The following TSHZ3 variants were observed in gnomAD, a reference collection of about 807,000 sequenced individuals.
TSHZ3 encodes teashirt zinc finger homeobox 3.
TSHZ3 carries 10 observed loss-of-function variants against 64.5 expected under a neutral mutation model. That is an observed-to-expected ratio of 0.16 (90% CI 0.10 to 0.26). The LOEUF is 0.26. TSHZ3 is among the 10% of genes least tolerant of loss of function. The pLI, the probability that TSHZ3 is intolerant of heterozygous loss-of-function variation, is 1.00. For missense variants in TSHZ3, 1,242 were observed against 1,421.7 expected, an observed-to-expected ratio of 0.87 and a Z score of 2.03; for synonymous variants, 608 against 593.1, an observed-to-expected ratio of 1.03 and a Z score of -0.36.
intron 5 of TSHZ3, among the ~76,000 whole-genome samples, chr19:31,162,840 C>T (rs116337215): frequency 0.013 from 1,921 of 152,298 alleles, 49 homozygotes; most frequent in African/African-American, 0.043. Context: ...AGTGCATGGG[C>T]ACTCAGAGAG....
intron 1 of TSHZ3, among the ~76,000 whole-genome samples, chr19:31,265,804 CA>C (rs1332687284): frequency 6.6e-6 from 1 of 152,132 alleles, no homozygotes. Context: ...GGGTCACCCA[CA>C]AAGGGAAAAG....
chr19:31,181,825 T>A (rs200547314), intron 5 of TSHZ3, among the ~76,000 whole-genome samples: 8 of 152,198 alleles, frequency 5.3e-5, no homozygotes, highest in Non-Finnish European at 4.4e-5. Flanking sequence ...TTTCATCAAA[T>A]GAAAAATTGC....
In TSHZ3 at chr19:31,277,360, C is replaced by T. The variant is rs373784479; in HGVS notation, c.2433G>A (p.Thr811=). The T allele has an allele frequency of 3.4e-5, 55 of 1,613,924 alleles. No homozygotes were observed. The highest frequency in any genetic ancestry group is 4.2e-5 in the Non-Finnish European group (50 of 1,179,942). ...CSLGSVLLSP[T]STAPATSSST... ...ATGAGGAGGTTGCCGGGGCTGTGGA[C>T]GTGGGTGACAGAAGCACTGAACCCA... The change falls in exon 2 of 2, where the codon ACG becomes ACA. Residue 811 remains threonine (T), a synonymous_variant. Coordinates refer to ENST00000240587, the MANE Select transcript of TSHZ3 (RefSeq NM_020856.4). The surrounding 1 kb of genome is among the most constrained non-coding windows in gnomAD (Gnocchi z 4.5).
At chr19:31,247,364 C>T (rs924082688) in intron 1 of TSHZ3, among the ~76,000 whole-genome samples, 2 of 152,078 alleles carry the variant, frequency 1.3e-5, no homozygotes, top group African/African-American at 4.8e-5. Flanking sequence ...CATCTTGTGC[C>T]CCCTGACAGG....
intron 1 of TSHZ3, among the ~76,000 whole-genome samples, chr19:31,265,397 C>CAAAAAAAAAAAAAAAAAAAAAAAAA (rs11432951): frequency 2.9e-5 from 1 of 34,272 alleles, no homozygotes; most frequent in Non-Finnish European, 5.1e-5. Context: ...AACTCTGTCT[C>CAAAAAAAAAAAAAAAAAAAAAAAAA]AAAAAAAAAA....
intron 1 of TSHZ3, among the ~76,000 whole-genome samples, chr19:31,261,100 T>C (rs552577402): frequency 5.3e-5 from 8 of 152,316 alleles, no homozygotes; most frequent in Admixed American, 3.3e-4. Flanking sequence ...TATCCTCCTG[T>C]GCTTCAATCT....
At chr19:31,170,642 C>CAA (rs1568335983) in intron 5 of TSHZ3, among the ~76,000 whole-genome samples, 1 of 152,202 alleles carries the variant, frequency 6.6e-6, no homozygotes, top group East Asian at 1.9e-4. Context: ...AGCTAGACTG[C>CAA]AAGCATCAGT....
rs537737624 is a variant in TSHZ3 at position 31,173,027 on chromosome 19, C to A, written n.810-16610G>T. Among the ~76,000 whole-genome samples, 4 of 152,268 alleles carry A rather than the reference C, an allele frequency of 2.6e-5. No homozygotes were observed. In the South Asian group the frequency reaches 8.3e-4, roughly 32 times the overall value. ...GCCACCATAAGGGCTCTAGCTCATG[C>A]TTAGATGAAATGGCAGTCCTTTGTA... is the stretch of plus-strand genomic sequence containing the variant. On this transcript the variant is annotated intron_variant and non_coding_transcript_variant, in intron 5 of 6. Transcript: ENST00000651361.
intron 5 of TSHZ3, among the ~76,000 whole-genome samples, chr19:31,176,614 C>T (rs1039929024): frequency 1.3e-5 from 2 of 152,008 alleles, no homozygotes; most frequent in Non-Finnish European, 2.9e-5. Flanking sequence ...CATAGCAAGA[C>T]TCCCTCTCTA....
chr19:31,328,369 G>A (rs548085722), intron 1 of TSHZ3, among the ~76,000 whole-genome samples: 25 of 152,320 alleles, frequency 1.6e-4, no homozygotes, highest in Non-Finnish European at 2.8e-4. Context: ...CGGGGACTGC[G>A]GGCCACGTTG....
At chr19:31,242,928 G>C (rs1475980800) in intron 1 of TSHZ3, among the ~76,000 whole-genome samples, 1 of 152,076 alleles carries the variant, frequency 6.6e-6, no homozygotes, top group Non-Finnish European at 1.5e-5. Context: ...TGTTCTATTT[G>C]GGACCCCAGC....
rs1011417434 is a variant in TSHZ3, at chr19:31,276,331, C to G, written c.*216G>C. The stretch of plus-strand genomic sequence containing the variant: ...GTTTACACAAAGTTCCAAACACTTA[C>G]CACTGCATTTTAACCTTCATATTTT... On this transcript the variant is annotated 3_prime_UTR_variant, in exon 2 of 2. Transcript: ENST00000240587. The G allele has an allele frequency of 1.4e-5, 6 of 424,656 alleles. No homozygotes were observed. Among genetic ancestry groups the G allele is most frequent in the Non-Finnish European group, 2.5e-5 (6 of 243,284 alleles). 26.3% of individuals were successfully genotyped at this position (424,656 alleles called of 1,614,324 possible).
In TSHZ3 at chr19:31,281,962, T is replaced by C. The variant is rs1327013443; in HGVS notation, c.41-2210A>G. On this transcript the variant is annotated intron_variant, in intron 1 of 1. Coordinates refer to ENST00000240587, the MANE Select transcript of TSHZ3 (RefSeq NM_020856.4). ...CATCCTGGGAATTTACTCAGTCTTATGCAAACTGAAGGATGGCTTGTTACC... is the reference window on the plus strand; with the variant it reads ...CATCCTGGGAATTTACTCAGTCTTACGCAAACTGAAGGATGGCTTGTTACC... Among the ~76,000 whole-genome samples, 4 of 152,150 alleles carry C rather than the reference T, an allele frequency of 2.6e-5. No individual in the cohort carries two copies. In the South Asian group the frequency reaches 6.2e-4, roughly 24 times the overall value.
chr19:31,230,712 T>G (rs1975527497), intron 3 of TSHZ3, among the ~76,000 whole-genome samples: 1 of 146,092 alleles, frequency 6.8e-6, no homozygotes, highest in Non-Finnish European at 1.5e-5. Context: ...TTTTTTTTTT[T>G]TTTTTGAGAC....
downstream of TSHZ3, among the ~76,000 whole-genome samples, chr19:31,271,297 T>C (rs905347179): frequency 1.3e-5 from 2 of 152,002 alleles, no homozygotes; most frequent in African/African-American, 4.8e-5. Flanking sequence ...TCCTGTCAAA[T>C]CCTTAGGGAC....
chr19:31,164,179 C>T (rs558791874), intron 5 of TSHZ3, among the ~76,000 whole-genome samples: 2 of 152,052 alleles, frequency 1.3e-5, no homozygotes, highest in South Asian at 2.1e-4. Context: ...GGAAAGAGAA[C>T]GAGACCAGCC....
intron 5 of TSHZ3, among the ~76,000 whole-genome samples, chr19:31,190,662 G>A (rs1974890883): frequency 6.6e-6 from 1 of 151,916 alleles, no homozygotes; most frequent in Non-Finnish European, 1.5e-5. Flanking sequence ...CACTAGATAT[G>A]CAAAGAAAGA....
chr19:31,183,225 TCTTTC>T (rs1568340023), intron 5 of TSHZ3, among the ~76,000 whole-genome samples: 824 of 17,238 alleles, frequency 0.048, 4 homozygotes, highest in African/African-American at 0.19. Context: ...TCTCTCTCTC[TCTTTC>T]TCTCTCTCTC....
At chr19:31,161,534 G>A (rs1399147473) in intron 5 of TSHZ3, among the ~76,000 whole-genome samples, 4 of 152,014 alleles carry the variant, frequency 2.6e-5, no homozygotes, top group South Asian at 2.1e-4. Flanking sequence ...TTTAGAATTC[G>A]CTCTTTACTT....
Sources: allele counts gnomAD v4.1 joint callset (sites outside exome capture counted in the v4.1 genomes callset), GRCh38; gene constraint gnomAD v4.1.1; non-coding constraint Gnocchi (gnomAD v3.1); transcripts MANE v1.5; gene names NCBI Gene and HGNC (gene_info 2026-07-23, HGNC 2026-07-21).